PROM1: variants seen among roughly 807,000 people sequenced by gnomAD.
PROM1 encodes prominin-1.
Under a neutral mutation model 116.9 loss-of-function variants are expected in PROM1, and 105 were observed. The ratio of observed to expected loss-of-function variants is 0.90; its 90% CI spans 0.77 to 1.06. The LOEUF is 1.06. PROM1 is among the 50% of genes least tolerant of loss of function. PROM1 has a pLI of 0.00. For missense variants in PROM1, 1,122 were observed against 1,045.2 expected (o/e 1.07, Z -1.01); for synonymous variants, 393 against 387.0 (o/e 1.02, Z -0.18).
intron 3 of PROM1, among the ~76,000 whole-genome samples, chr4:16,036,118 A>T (rs896608785): frequency 6.6e-6 from 1 of 152,234 alleles, no homozygotes; most frequent in Non-Finnish European, 1.5e-5. Flanking sequence ...CAGATCTGAG[A>T]ACTCCAGAAC....
intron 3 of PROM1, among the ~76,000 whole-genome samples, chr4:16,036,076 A>G (rs909056529): frequency 2.6e-5 from 4 of 152,242 alleles, no homozygotes; most frequent in Admixed American, 2.0e-4. Context: ...TGCTTAACAC[A>G]CTAACCATGT....
intron 13 of PROM1, among the ~76,000 whole-genome samples, chr4:16,004,535 A>T (rs1724667537): frequency 6.6e-6 from 1 of 152,220 alleles, no homozygotes; most frequent in African/African-American, 2.4e-5. Flanking sequence ...AAAAAGATGG[A>T]AATATAGGTA....
At position 15,991,214 on chromosome 4, in the gene PROM1, G is replaced by A. The variant is rs553492660; in HGVS notation, c.1983+8C>T. 1.9e-6 allele frequency: 3 copies of A among 1,602,572 alleles called. No homozygotes were observed. The highest frequency in any genetic ancestry group is 1.3e-5 in the African/African-American group (1 of 74,532). On this transcript the variant is annotated splice_region_variant and intron_variant, in intron 18 of 27. Transcript: ENST00000447510. ...ACTACAGTATTTAACCGGACGATTT[G>A]AACTCACCAAACTGTTTGCTTTTGC...
Position 16,018,504 on chromosome 4 carries a change from T to A in PROM1, c.821A>T (p.Asn274Ile). 1 of 1,612,142 alleles carries A rather than the reference T, an allele frequency of 6.2e-7. No homozygotes were observed. Among genetic ancestry groups the A allele is most frequent in the Non-Finnish European group, 8.5e-7 (1 of 1,179,608 alleles). ...KETKEALENM[N>I]STLKSLHQQS... ...TTGGTGCAAGCTCTTCAAGGTGCTG[T>A]TCATGTTCTCCAACGCCTCTTTGGT... Residue 274 changes from asparagine to isoleucine, a missense_variant, in exon 9 of 28, where the codon AAC (asparagine) becomes ATC (isoleucine). By Grantham distance (149) the Asn-to-Ile change is moderately radical (BLOSUM62 -3). Coordinates refer to ENST00000447510, the MANE Select transcript of PROM1 (RefSeq NM_006017.3).
chr4:16,014,054 C>A (rs1042726111), intron 10 of PROM1, among the ~76,000 whole-genome samples: 5 of 152,106 alleles, frequency 3.3e-5, no homozygotes, highest in African/African-American at 1.2e-4. Context: ...GGGGCTAAAC[C>A]CCCCATGAGA....
rs1560442112 is a variant in PROM1, at chr4:15,998,471, G to A, written c.1596C>T (p.Tyr532=). The part of the protein sequence containing the change: ...KELFRVLDTP[Y]LLNEDWEYYL... ...AGTATTCCCAGTCTTCATTTAGTAA[G>A]TAGGGTGTATCCAAAACCTAGAACA... Residue 532 remains tyrosine, a synonymous_variant, in exon 15 of 28, where the codon TAC becomes TAT. Coordinates refer to ENST00000447510, the MANE Select transcript of PROM1 (RefSeq NM_006017.3). The A allele has an allele frequency of 1.4e-5, 23 of 1,608,616 alleles. No homozygotes were observed. Among genetic ancestry groups the A allele is most frequent in the Non-Finnish European group, 1.9e-5 (22 of 1,178,390 alleles).
At chr4:16,025,692 T>C (rs1694366442) in intron 5 of PROM1, among the ~76,000 whole-genome samples, 1 of 148,660 alleles carries the variant, frequency 6.7e-6, no homozygotes, top group Non-Finnish European at 1.5e-5. Context: ...TGTGTGAACA[T>C]ATGCATGTGT....
Position 15,980,528 on chromosome 4 carries a change from A to G in PROM1, c.2383T>C (p.Trp795Arg), listed in dbSNP as rs1323469429. 1 of 1,531,082 alleles carries G rather than the reference A, an allele frequency of 6.5e-7. No individual in the cohort carries two copies. The highest frequency in any genetic ancestry group is 1.2e-5 in the South Asian group (1 of 82,342). The allele number at this position is 1,531,082 out of a possible 1,614,324, so 94.8% of individuals were successfully genotyped here. Residue 795 changes from tryptophan to arginine, a missense_variant, in exon 24 of 28, where the codon TGG becomes CGG. Transcript: ENST00000447510. The part of the protein sequence containing the change: ...SYIIDPLNLF[W>R]FGIGKATVFL... ...ACAGTAGCTTTTCCTATGCCAAACC[A>G]AAACAAATTCTAGGAAAAAAAAATC...
chr4:15,983,510 G>A (rs1011417513), intron 23 of PROM1, among the ~76,000 whole-genome samples: 8 of 152,168 alleles, frequency 5.3e-5, no homozygotes, highest in Non-Finnish European at 8.8e-5. Flanking sequence ...GGTGGGAAGC[G>A]GAAGAGGAGA....
chr4:16,071,095 C>T (rs913575710), intron 2 of PROM1, among the ~76,000 whole-genome samples: 2 of 152,192 alleles, frequency 1.3e-5, no homozygotes, highest in African/African-American at 4.8e-5. Context: ...TCCATTTCCC[C>T]TATTCCCTTT....
chr4:15,973,488 T>G (rs1379866157), intron 26 of PROM1, among the ~76,000 whole-genome samples: 1 of 152,162 alleles, frequency 6.6e-6, no homozygotes, highest in Non-Finnish European at 1.5e-5. Flanking sequence ...GCATGCACAA[T>G]GAACACCATC....
intron 26 of PROM1, among the ~76,000 whole-genome samples, chr4:15,973,952 C>T (rs570395269): frequency 1.6e-4 from 24 of 152,246 alleles, no homozygotes; most frequent in African/African-American, 5.5e-4. Flanking sequence ...TCATCCTGCC[C>T]GGTTCCTGGG....
At chr4:16,026,562 G>A (rs1011620899) in intron 5 of PROM1, among the ~76,000 whole-genome samples, 1 of 152,086 alleles carries the variant, frequency 6.6e-6, no homozygotes, top group Non-Finnish European at 1.5e-5. Context: ...AATGTCTTGA[G>A]GCTTTATCGT....
In PROM1 at chr4:16,068,705, T is replaced by C. The variant is rs570801935; in HGVS notation, c.220+6982A>G. Among the ~76,000 whole-genome samples, 3 of 152,324 alleles carry C rather than the reference T, an allele frequency of 2.0e-5. No homozygotes were observed. The South Asian group carries it at 6.2e-4, about 32-fold the overall frequency. ...TGAGATCTTTCAACTAAATTTGTTA[T>C]AATTTTGTCCTTACAGCTAATAGGA... On this transcript the variant is annotated intron_variant, in intron 2 of 27. Transcript: ENST00000447510.
chr4:16,047,629 A>G (rs1254477967), intron 2 of PROM1, among the ~76,000 whole-genome samples: 1 of 152,170 alleles, frequency 6.6e-6, no homozygotes, highest in Non-Finnish European at 1.5e-5. Flanking sequence ...TCTATAAAAT[A>G]CTTTTAGCAG....
chr4:16,067,789 C>T (rs1446786075), intron 2 of PROM1, among the ~76,000 whole-genome samples: 1 of 151,772 alleles, frequency 6.6e-6, no homozygotes, highest in Non-Finnish European at 1.5e-5. Flanking sequence ...TCCTGGGTAC[C>T]GCTTCTCTCT....
intron 19 of PROM1, among the ~76,000 whole-genome samples, chr4:15,988,699 A>G (rs1720154632): frequency 6.6e-6 from 1 of 152,194 alleles, no homozygotes; most frequent in Admixed American, 6.5e-5. Context: ...ACTTGGGAAA[A>G]AAGCATTTAA....
At chr4:15,979,005 A>G (rs1716977874) in intron 26 of PROM1, among the ~76,000 whole-genome samples, 1 of 134,778 alleles carries the variant, frequency 7.4e-6, no homozygotes, top group South Asian at 2.4e-4. Context: ...GAAGGAAGGA[A>G]GGAAAGAAGG....
intron 13 of PROM1, among the ~76,000 whole-genome samples, chr4:16,004,758 TG>T (rs893889394): frequency 5.9e-5 from 9 of 152,272 alleles, no homozygotes; most frequent in African/African-American, 2.2e-4. Flanking sequence ...TCCTTGCAGA[TG>T]TGATTTCTCC....
Sources: allele counts gnomAD v4.1 joint callset (sites outside exome capture counted in the v4.1 genomes callset), GRCh38; gene constraint gnomAD v4.1.1; transcripts MANE v1.5; gene names NCBI Gene and HGNC (gene_info 2026-07-23, HGNC 2026-07-21).